The following USP40 variants were observed in gnomAD, a reference collection of about 807,000 sequenced individuals.
The protein encoded by USP40 is ubiquitin carboxyl-terminal hydrolase 40.
Under a neutral mutation model 166.2 loss-of-function variants are expected in USP40, and 143 were observed. The observed-to-expected ratio is 0.86, with a 90% CI of 0.75 to 0.99. The LOEUF (loss-of-function observed/expected upper bound fraction) is 0.99. Ranked by LOEUF, USP40 falls within the 50% of genes least tolerant of loss-of-function variation. The pLI is 0.00. For missense variants in USP40, 1,444 were observed against 1,479.7 expected (o/e 0.98, Z 0.40); for synonymous variants, 498 against 524.0 (o/e 0.95, Z 0.68).
Position 233,493,181 on chromosome 2 carries a change from T to C in USP40, c.2917+244A>G, listed in dbSNP as rs978064236. The C allele has an allele frequency of 1.8e-6, 1 of 567,264 alleles. No homozygotes were observed. Among genetic ancestry groups the C allele is most frequent in the African/African-American group, 1.9e-5 (1 of 53,708 alleles). The allele number at this position is 567,264 out of a possible 1,614,324, so 35.1% of individuals were successfully genotyped here. A position where few individuals can be genotyped will look rare whatever the true frequency, so the allele number is the denominator to read the frequency against. On this transcript the variant is annotated intron_variant, in intron 25 of 31. Coordinates refer to ENST00000678225, the MANE Select transcript of USP40 (RefSeq NM_001365479.2). This position sits in a 1 kb window ranked among gnomAD's most constrained non-coding sequence, Gnocchi z 4.7. ...GATACATAAAAGTCTTTGGAAAGTG[T>C]AATATATTGATATAATAATAAACAA... is the stretch of plus-strand genomic sequence containing the variant.
chr2:233,527,260 T>G (rs560206323), intron 13 of USP40, 147 bp downstream of exon 13: 32 of 835,826 alleles, frequency 3.8e-5, no homozygotes, highest in Non-Finnish European at 4.5e-5. Context: ...GAGAGAAGAT[T>G]TGGGTCAACC....
At chr2:233,489,723 T>A in intron 26 of USP40, 1 of 415,300 alleles carries the variant, frequency 2.4e-6, no homozygotes, top group South Asian at 4.3e-5. Flanking sequence ...GAGTTCCCTC[T>A]CTCTAAATCT....
chr2:233,565,225 T>A, intron 2 of USP40, 131 bp downstream of exon 2: 2 of 722,414 alleles, frequency 2.8e-6, no homozygotes, highest in Non-Finnish European at 4.4e-6. Flanking sequence ...TTATATCTTA[T>A]ATGTGCAACA....
At chr2:233,519,923 C>T (rs2067538857) in intron 17 of USP40, among the ~76,000 whole-genome samples, 1 of 152,068 alleles carries the variant, frequency 6.6e-6, no homozygotes, top group Non-Finnish European at 1.5e-5. Context: ...CAGAAAACTA[C>T]AGAAACTGTA....
At position 233,480,919 on chromosome 2, in the gene USP40, G is replaced by A. The variant is rs1027072169; in HGVS notation, c.3599+284C>T. ...AGAGCCAGGCAGAGGGTGAGGCTGC[G>A]GGTGAGGAGGAAGGAGGGGGACCGG... On this transcript the variant is annotated intron_variant, in intron 31 of 31. Transcript: ENST00000678225. This position sits in a 1 kb window ranked among gnomAD's most constrained non-coding sequence, Gnocchi z 4.5. Among the ~76,000 whole-genome samples the A allele has an allele frequency of 1.3e-5, 2 of 152,156 alleles. No individual in the cohort carries two copies. The highest frequency in any genetic ancestry group is 4.8e-5 in the African/African-American group (2 of 41,430).
Position 233,523,363 on chromosome 2 carries a change from C to T in USP40, c.2008G>A (p.Ala670Thr). 1 of 1,614,002 alleles carries T rather than the reference C, an allele frequency of 6.2e-7. No homozygotes were observed. The highest frequency in any genetic ancestry group is 8.5e-7 in the Non-Finnish European group (1 of 1,179,896). Reference sequence around the variant, plus strand: ...AGGACAGTGCCCACTTCTGCATTAGCTGGAAAGACATGTGGAGATTCTATC... The same window carrying T: ...AGGACAGTGCCCACTTCTGCATTAGTTGGAAAGACATGTGGAGATTCTATC... Reference protein sequence around the residue: ...QVIESPHVFPANAEVGTVLTA... With the variant: ...QVIESPHVFPTNAEVGTVLTA... Residue 670 changes from alanine to threonine, a missense_variant, in exon 16 of 32, where the codon GCT becomes ACT. By Grantham distance (58) the Ala-to-Thr change is moderately conservative. Coordinates refer to ENST00000678225, the MANE Select transcript of USP40 (RefSeq NM_001365479.2).
chr2:233,564,579 C>A (rs796859244), intron 2 of USP40, among the ~76,000 whole-genome samples: 3 of 152,180 alleles, frequency 2.0e-5, no homozygotes, highest in African/African-American at 7.2e-5. Context: ...ACAATAACCC[C>A]CCTTTTAAAT....
chr2:233,534,464 T>A (rs896897888), intron 10 of USP40, among the ~76,000 whole-genome samples: 11 of 152,206 alleles, frequency 7.2e-5, no homozygotes, highest in African/African-American at 2.7e-4. Context: ...CCTAATTTAC[T>A]TTATATAGAA....
At chr2:233,554,870 A>C (rs1448156724) in intron 5 of USP40, among the ~76,000 whole-genome samples, 3 of 152,344 alleles carry the variant, frequency 2.0e-5, no homozygotes, top group African/African-American at 7.2e-5. Flanking sequence ...ACTGTTTTAG[A>C]CTAGACTATA....
rs957706968 is a variant in USP40, at chr2:233,486,288, G to T, written c.3198-311C>A. Among the ~76,000 whole-genome samples, 2 of 152,224 alleles carry T rather than the reference G, an allele frequency of 1.3e-5. No individual in the cohort carries two copies. The highest frequency in any genetic ancestry group is 2.9e-5 in the Non-Finnish European group (2 of 68,048). ...GCCTGAGCAGGTACGATGTGGCAGA[G>T]AGGGACAGGGTGAGAGAGGCCTGGC... On this transcript the variant is annotated intron_variant, in intron 28 of 31. Coordinates refer to ENST00000678225, the MANE Select transcript of USP40 (RefSeq NM_001365479.2). This position sits in a 1 kb window ranked among gnomAD's most constrained non-coding sequence, Gnocchi z 4.0.
chr2:233,510,279 TTAA>T (rs1198538328), intron 20 of USP40, 144 bp from the exon 21 acceptor site: 6 of 620,192 alleles, frequency 9.7e-6, no homozygotes, highest in Admixed American at 6.0e-5. Context: ...ACGACTATGA[TTAA>T]TGTTACAATT....
chr2:233,551,034 C>G (rs577989438), intron 7 of USP40, among the ~76,000 whole-genome samples: 2 of 152,234 alleles, frequency 1.3e-5, no homozygotes, highest in African/African-American at 4.8e-5. Flanking sequence ...TTTGGAAATT[C>G]AAAATGACTC....
chr2:233,521,331 TG>T (rs2067639676), intron 16 of USP40, among the ~76,000 whole-genome samples: 1 of 152,228 alleles, frequency 6.6e-6, no homozygotes, highest in Non-Finnish European at 1.5e-5. Context: ...CTACATAATT[TG>T]TTGCCACATT....
At chr2:233,566,041 C>T (rs2072112401) in intron 1 of USP40, among the ~76,000 whole-genome samples, 1 of 152,050 alleles carries the variant, frequency 6.6e-6, no homozygotes, top group African/African-American at 2.4e-5. Flanking sequence ...CTTGTCACAC[C>T]CTTCAGTACT....
intron 11 of USP40, 46 bp downstream of exon 11, chr2:233,533,433 C>T (rs1254044104): frequency 5.8e-6 from 9 of 1,552,516 alleles, no homozygotes; most frequent in Non-Finnish European, 7.8e-6. Context: ...TGTTTATCTT[C>T]TAAAGCCATT....
intron 3 of USP40, among the ~76,000 whole-genome samples, chr2:233,560,335 T>C (rs2071464083): frequency 6.6e-6 from 1 of 152,212 alleles, no homozygotes; most frequent in African/African-American, 2.4e-5. Context: ...CAGCACACCC[T>C]GCCTCACTTT....
intron 7 of USP40, 94 bp from the exon 8 acceptor site, chr2:233,549,323 A>G (rs1575332946): frequency 1.2e-6 from 1 of 803,580 alleles, no homozygotes; most frequent in East Asian, 3.0e-5. Flanking sequence ...GAAATTAATA[A>G]GAAACTTCAC....
chr2:233,490,807 A>G (rs1330597571), intron 26 of USP40, among the ~76,000 whole-genome samples: 13 of 152,260 alleles, frequency 8.5e-5, no homozygotes, highest in Non-Finnish European at 1.5e-5. Flanking sequence ...AACATTTAAC[A>G]TATGGGTCAC....
chr2:233,524,891 TGCTTCAAGTCTCTCA>T (rs2067908745), intron 14 of USP40, among the ~76,000 whole-genome samples: 1 of 152,206 alleles, frequency 6.6e-6, no homozygotes, highest in Non-Finnish European at 1.5e-5. Flanking sequence ...CTGTATTGTG[TGCTTCAAGTCTCTCA>T]GCTTCAGTTT....
Sources: allele counts gnomAD v4.1 joint callset (sites outside exome capture counted in the v4.1 genomes callset), GRCh38; gene constraint gnomAD v4.1.1; non-coding constraint Gnocchi (gnomAD v3.1); transcripts MANE v1.5; gene names NCBI Gene and HGNC (gene_info 2026-07-23, HGNC 2026-07-21).